UNC13B: variants seen among roughly 807,000 people sequenced by gnomAD.
The protein encoded by UNC13B is protein unc-13 homolog B.
Under a neutral mutation model 211.0 loss-of-function variants are expected in UNC13B, and 144 were observed. The observed-to-expected ratio is 0.68, with a 90% CI of 0.60 to 0.78. The LOEUF (loss-of-function observed/expected upper bound fraction) is 0.78, where lower values mean the gene tolerates loss of function less well. Among genes scored for constraint, UNC13B ranks in the 30% least tolerant of loss-of-function variants. The pLI is 0.00. For missense variants in UNC13B, 1,777 were observed against 2,002.0 expected (o/e 0.89, Z 2.14); for synonymous variants, 709 against 725.8 (o/e 0.98, Z 0.37).
chr9:35,371,597 CT>C (rs924259763), intron 13 of UNC13B, among the ~76,000 whole-genome samples: 2 of 152,212 alleles, frequency 1.3e-5, no homozygotes, highest in African/African-American at 4.8e-5. Context: ...CTCATCTCCT[CT>C]TTTTTTTCTT....
At chr9:35,329,662 T>C (rs1359479755) in intron 11 of UNC13B, among the ~76,000 whole-genome samples, 1 of 152,052 alleles carries the variant, frequency 6.6e-6, no homozygotes, top group Non-Finnish European at 1.5e-5. Context: ...TAATTTTTTA[T>C]ATTTTTTGTG....
At chr9:35,376,518 C>G (rs1834425160) in intron 15 of UNC13B, among the ~76,000 whole-genome samples, 1 of 152,154 alleles carries the variant, frequency 6.6e-6, no homozygotes, top group African/African-American at 2.4e-5. Context: ...TTCAGTTGAT[C>G]CCAGAGACTG....
chr9:35,219,724 T>A (rs1041281500), intron 1 of UNC13B, among the ~76,000 whole-genome samples: 1 of 152,144 alleles, frequency 6.6e-6, no homozygotes, highest in Admixed American at 6.5e-5. Flanking sequence ...CCACCTTAAT[T>A]TAACAAATGT....
Position 35,282,791 on chromosome 9 carries a change from T to C in UNC13B, c.527-12905T>C, listed in dbSNP as rs374817087. ...TCCCCCTCCGTCTCTTGCTTTTTTT[T>C]CCTTACAATTTGTTTATTGAAGAAA... On this transcript the variant is annotated intron_variant, in intron 7 of 39. Transcript: ENST00000635942. 8.2e-4 allele frequency among the ~76,000 whole-genome samples: 125 copies of C among 152,296 alleles called. 1 individual carries two copies. The highest frequency in any genetic ancestry group is 2.9e-3 in the African/African-American group (120 of 41,564).
chr9:35,262,327 C>A (rs1253954940), intron 7 of UNC13B, among the ~76,000 whole-genome samples: 1 of 148,368 alleles, frequency 6.7e-6, no homozygotes, highest in Non-Finnish European at 1.5e-5. Flanking sequence ...TTCTTTCTTT[C>A]CTTTCTTGAG....
At chr9:35,268,807 A>G in intron 7 of UNC13B, among the ~76,000 whole-genome samples, 1 of 152,196 alleles carries the variant, frequency 6.6e-6, no homozygotes, top group East Asian at 1.9e-4. Flanking sequence ...GTGTAGTGGC[A>G]GTGATACTTT....
At chr9:35,384,506 A>C in intron 22 of UNC13B, 192 bp downstream of exon 22, 6 of 985,472 alleles carry the variant, frequency 6.1e-6, no homozygotes, top group Non-Finnish European at 7.2e-6. Context: ...TATAAATAGC[A>C]GCAGGTATGG....
chr9:35,183,662 CCGGG>C (rs1822131778), intron 1 of UNC13B, among the ~76,000 whole-genome samples: 1 of 134,686 alleles, frequency 7.4e-6, no homozygotes, highest in Non-Finnish European at 1.6e-5. Context: ...CGATGGGCGG[CCGGG>C]CAGAGGCGCT....
chr9:35,285,568 T>C (rs1165571939), intron 7 of UNC13B, among the ~76,000 whole-genome samples: 2 of 151,850 alleles, frequency 1.3e-5, no homozygotes, highest in African/African-American at 4.8e-5. Flanking sequence ...AAAACAAAAA[T>C]TAGTCGAGTG....
intron 1 of UNC13B, among the ~76,000 whole-genome samples, chr9:35,188,313 C>T (rs139328811): frequency 4.6e-5 from 7 of 152,184 alleles, no homozygotes; most frequent in Admixed American, 2.6e-4. Context: ...CAATTGTCTG[C>T]GAATGACAAA....
chr9:35,162,224 G>A lies in UNC13B; in HGVS notation c.-60G>A. ...AGAGCAGTCGCGGCACCTGCTGAGA[G>A]GAAAGAGGGAGCGGTCCGGCGCGGC... On this transcript the variant is annotated 5_prime_UTR_variant, in exon 1 of 40. Transcript: ENST00000635942. 1 of 1,541,874 alleles carries A rather than the reference G, an allele frequency of 6.5e-7. No homozygotes were observed. Among genetic ancestry groups the A allele is most frequent in the Non-Finnish European group, 8.7e-7 (1 of 1,146,570 alleles).
chr9:35,293,988 C>T (rs1160891853), intron 7 of UNC13B, among the ~76,000 whole-genome samples: 1 of 152,178 alleles, frequency 6.6e-6, no homozygotes, highest in Non-Finnish European at 1.5e-5. Context: ...ACCCCTGTCT[C>T]CCATCTGTAC....
intron 10 of UNC13B, among the ~76,000 whole-genome samples, chr9:35,312,367 G>A (rs1930358): frequency 0.18 from 27,731 of 152,146 alleles, 2,924 homozygotes; most frequent in Non-Finnish European, 0.24. Flanking sequence ...ATCTCTGGTA[G>A]CTCATCTAAT....
At position 35,162,062 on chromosome 9, in the gene UNC13B, C is replaced by T. The variant is rs897105389; in HGVS notation, c.-222C>T. ...TGGCGTCGCTGTGCCGCGCCCAGTC[C>T]CCAGCCTGCCGGCCGGTACTCACCG... On this transcript the variant is annotated 5_prime_UTR_variant, in exon 1 of 40. Transcript: ENST00000635942. 2.1e-5 allele frequency: 13 copies of T among 609,778 alleles called. No homozygotes were observed. In the African/African-American group the frequency reaches 2.4e-4, roughly 11 times the overall value. 37.8% of individuals were successfully genotyped at this position (609,778 alleles called of 1,614,324 possible).
intron 6 of UNC13B, among the ~76,000 whole-genome samples, chr9:35,243,831 G>A (rs890809674): frequency 6.6e-6 from 1 of 152,096 alleles, no homozygotes; most frequent in Non-Finnish European, 1.5e-5. Context: ...TGGGGCATCA[G>A]GATTGGAGAA....
At chr9:35,246,275 A>C (rs1826096928) in intron 6 of UNC13B, among the ~76,000 whole-genome samples, 2 of 151,996 alleles carry the variant, frequency 1.3e-5, no homozygotes. Context: ...AGTAGATTGC[A>C]AAAATTTTCT....
At chr9:35,174,169 A>G (rs1237257409) in intron 1 of UNC13B, among the ~76,000 whole-genome samples, 4 of 151,470 alleles carry the variant, frequency 2.6e-5, no homozygotes, top group African/African-American at 9.7e-5. Context: ...ACAGAATCTC[A>G]CCTTTTTTGA....
intron 11 of UNC13B, among the ~76,000 whole-genome samples, chr9:35,358,914 G>C (rs1234680350): frequency 1.3e-5 from 2 of 151,876 alleles, no homozygotes; most frequent in Non-Finnish European, 2.9e-5. Context: ...TGGCCAGGCT[G>C]GTCTCGAACT....
At chr9:35,281,185 G>A (rs1828463594) in intron 7 of UNC13B, among the ~76,000 whole-genome samples, 2 of 151,562 alleles carry the variant, frequency 1.3e-5, no homozygotes, top group Admixed American at 1.3e-4. Context: ...GGGAGACGGA[G>A]GTTGCAGTGA....
Sources: allele counts gnomAD v4.1 joint callset (sites outside exome capture counted in the v4.1 genomes callset), GRCh38; gene constraint gnomAD v4.1.1; transcripts MANE v1.5; gene names NCBI Gene and HGNC (gene_info 2026-07-23, HGNC 2026-07-21).